The following SLC35F4 variants were observed in gnomAD, a reference collection of about 807,000 sequenced individuals.
SLC35F4 encodes the protein solute carrier family 35 member F4.
In SLC35F4, 24 loss-of-function variants were observed where a neutral mutation model predicts 44.2. The ratio of observed to expected loss-of-function variants is 0.54; its 90% CI spans 0.39 to 0.76. The LOEUF (loss-of-function observed/expected upper bound fraction) is 0.76. Among genes scored for constraint, SLC35F4 ranks in the 30% least tolerant of loss-of-function variants. The pLI is 0.00. For synonymous variants in SLC35F4, 238 were observed against 223.6 expected (o/e 1.06, Z -0.57); for missense variants, 562 against 586.1 (o/e 0.96, Z 0.42).
intron 3 of SLC35F4, among the ~76,000 whole-genome samples, chr14:57,587,000 C>A (rs2069794436): frequency 9.2e-6 from 1 of 108,530 alleles, no homozygotes; most frequent in Non-Finnish European, 2.0e-5. Context: ...GACGTTTATG[C>A]AGCCAACAAG....
chr14:57,885,098 G>A (rs1162240687), intron 1 of SLC35F4, among the ~76,000 whole-genome samples: 3 of 152,072 alleles, frequency 2.0e-5, no homozygotes, highest in Admixed American at 2.0e-4. Context: ...GTGGCCTGTG[G>A]AGAGACCCAA....
rs189708179 is a variant in SLC35F4, at chr14:57,572,113, C to T, written c.808-94G>A. 5,043 of 1,423,710 alleles carry T rather than the reference C, an allele frequency of 3.5e-3. 11 individuals carry two copies. The highest frequency in any genetic ancestry group is 4.2e-3 in the Non-Finnish European group (4,432 of 1,046,412). 88.2% of individuals were successfully genotyped at this position (1,423,710 alleles called of 1,614,324 possible). On this transcript the variant is annotated intron_variant, in intron 4 of 7. Coordinates refer to ENST00000556826, the MANE Select transcript of SLC35F4 (RefSeq NM_001306087.2). ...ACTTCCTGAAAGCTGCTAAGTACTT[C>T]CTTAAACCTAATTACCTTTTGTACA...
At chr14:57,891,685 G>A (rs372392974) in intron 1 of SLC35F4, among the ~76,000 whole-genome samples, 1 of 152,060 alleles carries the variant, frequency 6.6e-6, no homozygotes, top group East Asian at 1.9e-4. Context: ...AGAGCATCCT[G>A]GCCAATATGA....
intron 1 of SLC35F4, among the ~76,000 whole-genome samples, chr14:57,677,849 A>G (rs955031019): frequency 1.3e-5 from 2 of 152,036 alleles, no homozygotes; most frequent in East Asian, 3.8e-4. Flanking sequence ...AAGGGTCATG[A>G]ACAGGCAATT....
chr14:57,922,242 T>C (rs1475192841), intron 1 of SLC35F4, among the ~76,000 whole-genome samples: 1 of 152,168 alleles, frequency 6.6e-6, no homozygotes, highest in Non-Finnish European at 1.5e-5. Flanking sequence ...AGAGAGGTTA[T>C]TAAAAATGCA....
At chr14:57,594,281 C>T (rs1263816507) in intron 1 of SLC35F4, among the ~76,000 whole-genome samples, 157 bp from the exon 2 acceptor site, 1 of 152,040 alleles carries the variant, frequency 6.6e-6, no homozygotes, top group Admixed American at 6.6e-5. Flanking sequence ...CCTCTGCCTC[C>T]CAGGTTCGAG....
intron 1 of SLC35F4, chr14:57,799,620 G>T (rs767798063): frequency 1.5e-4 from 23 of 152,794 alleles, no homozygotes; most frequent in Non-Finnish European, 2.0e-4. Flanking sequence ...CCTGGGGGGA[G>T]GGGTGGCCAC....
chr14:57,850,936 A>G (rs958604118), intron 1 of SLC35F4, among the ~76,000 whole-genome samples: 1 of 152,218 alleles, frequency 6.6e-6, no homozygotes, highest in African/African-American at 2.4e-5. Flanking sequence ...ATATGACATT[A>G]ATTCAACTTG....
chr14:57,896,233 A>T (rs1449169575), intron 1 of SLC35F4, among the ~76,000 whole-genome samples: 1 of 152,162 alleles, frequency 6.6e-6, no homozygotes, highest in Non-Finnish European at 1.5e-5. Context: ...TGGGTGGATA[A>T]ATAATTGTTA....
chr14:57,906,565 GAGA>G (rs1384606803), intron 1 of SLC35F4, among the ~76,000 whole-genome samples: 1 of 152,112 alleles, frequency 6.6e-6, no homozygotes, highest in Non-Finnish European at 1.5e-5. Flanking sequence ...ATATTTGTGG[GAGA>G]ATTTCTACGG....
intron 1 of SLC35F4, among the ~76,000 whole-genome samples, chr14:57,800,985 C>G (rs1018226294): frequency 6.6e-6 from 1 of 152,162 alleles, no homozygotes; most frequent in Non-Finnish European, 1.5e-5. Context: ...CCTAGCAAGA[C>G]AGGCCAACAT....
chr14:57,589,524 G>A lies in SLC35F4; in HGVS notation c.290-11C>T. 1 of 1,590,118 alleles carries A rather than the reference G, an allele frequency of 6.3e-7. No homozygotes were observed. The highest frequency in any genetic ancestry group is 8.5e-7 in the Non-Finnish European group (1 of 1,170,292). On this transcript the variant is annotated splice_polypyrimidine_tract_variant and intron_variant, in intron 2 of 7. Coordinates refer to ENST00000556826, the MANE Select transcript of SLC35F4 (RefSeq NM_001306087.2). ...GTGTCCCATCGTCTGCTGGAAACAG[G>A]AAAGGAATACAAATGTGAGGAAAGC...
intron 1 of SLC35F4, among the ~76,000 whole-genome samples, chr14:57,885,528 C>T (rs1180955320): frequency 6.6e-6 from 1 of 152,058 alleles, no homozygotes; most frequent in Non-Finnish European, 1.5e-5. Flanking sequence ...GATCCTTTCA[C>T]ATACTTTCCC....
intron 3 of SLC35F4, among the ~76,000 whole-genome samples, chr14:57,583,392 T>C (rs2069441620): frequency 6.6e-6 from 1 of 152,172 alleles, no homozygotes. Context: ...TGAACACATT[T>C]ATTAAGAACC....
chr14:57,612,110 A>G (rs2071545958), intron 1 of SLC35F4, among the ~76,000 whole-genome samples: 1 of 152,148 alleles, frequency 6.6e-6, no homozygotes, highest in Non-Finnish European at 1.5e-5. Context: ...TTGAGGCCAG[A>G]TGCAGTGGTT....
At chr14:57,976,451 G>C (rs141650027), downstream of SLC35F4, among the ~76,000 whole-genome samples, 17 of 152,316 alleles carry the variant, frequency 1.1e-4, no homozygotes, top group East Asian at 3.3e-3. Context: ...AACAGGAAGA[G>C]TTAGGTGGAT....
Position 57,865,778 on chromosome 14 carries a change from C to A in SLC35F4, c.48G>T (p.Arg16=). 1 of 1,524,264 alleles carries A rather than the reference C, an allele frequency of 6.6e-7. No homozygotes were observed. The allele number at this position is 1,524,264 out of a possible 1,614,324, so 94.4% of individuals were successfully genotyped here. Residue 16 remains arginine (R), a synonymous_variant, in exon 1 of 8, where the codon CGG becomes CGT. Transcript: ENST00000556826. ...CATAGTAGCCGGTGATCCGCAGGAT[C>A]CGGTCCTCGATAGTGGCCACCCCGT... ...APNGVATIED[R]ILRITGYYGY...
chr14:57,702,414 C>T (rs1419601972), intron 1 of SLC35F4, among the ~76,000 whole-genome samples: 1 of 151,222 alleles, frequency 6.6e-6, no homozygotes, highest in Non-Finnish European at 1.5e-5. Context: ...CATTGTACTT[C>T]CCTCTATTTT....
rs974463051 is a variant in SLC35F4 at position 57,583,512 on chromosome 14, G to A, written c.588-2079C>T. Among the ~76,000 whole-genome samples, 119 of 152,142 alleles carry A rather than the reference G, an allele frequency of 7.8e-4. 8 individuals carry two copies. Among genetic ancestry groups the A allele is most frequent in the Non-Finnish European group, 1.5e-5 (1 of 68,014 alleles). ...AGGAGTGCTCCTAAGCAAAGATTTT[G>A]GATGCAGGAAAGGAACACTCCAATC... is the stretch of plus-strand genomic sequence containing the variant. On this transcript the variant is annotated intron_variant, in intron 3 of 7. Coordinates refer to ENST00000556826, the MANE Select transcript of SLC35F4 (RefSeq NM_001306087.2).
Sources: allele counts gnomAD v4.1 joint callset (sites outside exome capture counted in the v4.1 genomes callset), GRCh38; gene constraint gnomAD v4.1.1; transcripts MANE v1.5; gene names NCBI Gene and HGNC (gene_info 2026-07-23, HGNC 2026-07-21).